Variants in CEP97 observed in about 807,000 individuals in gnomAD.
CEP97 encodes the protein centrosomal protein 97.
CEP97 carries 43 observed loss-of-function variants against 73.1 expected under a neutral mutation model. The ratio of observed to expected loss-of-function variants is 0.59; its 90% CI spans 0.46 to 0.76. The LOEUF is 0.76. Ranked by LOEUF, CEP97 falls within the 30% of genes least tolerant of loss-of-function variation. The pLI is 0.00. For missense variants in CEP97, 939 were observed against 1,014.0 expected (o/e 0.93, Z 1.00); for synonymous variants, 337 against 370.0 (o/e 0.91, Z 1.02).
At chr3:101,753,926 G>A (rs920641781) in intron 6 of CEP97, among the ~76,000 whole-genome samples, 33 of 152,010 alleles carry the variant, frequency 2.2e-4, no homozygotes, top group African/African-American at 7.2e-4. Context: ...TCTGCCCACC[G>A]TCTGGCACTC....
intron 1 of CEP97, 67 bp from the exon 2 acceptor site, chr3:101,726,527 C>G: frequency 1.7e-6 from 2 of 1,179,908 alleles, no homozygotes; most frequent in South Asian, 1.6e-5. Context: ...TAATTCCAGC[C>G]CTATGCTTAG....
chr3:101,736,301 G>C (rs551270222), intron 6 of CEP97, among the ~76,000 whole-genome samples: 12 of 152,178 alleles, frequency 7.9e-5, no homozygotes, highest in African/African-American at 2.7e-4. Context: ...CCTGCCTCCC[G>C]GCTCTGTAAG....
intron 10 of CEP97, 148 bp downstream of exon 10, chr3:101,762,708 A>G: frequency 1.8e-6 from 1 of 541,556 alleles, no homozygotes. Context: ...ACTGTGAACT[A>G]GGACAGTGAA....
intron 6 of CEP97, among the ~76,000 whole-genome samples, chr3:101,749,032 T>C (rs576699028): frequency 6.6e-6 from 1 of 152,272 alleles, no homozygotes; most frequent in African/African-American, 2.4e-5. Context: ...TTAGGGTACA[T>C]GTGCACAACG....
At chr3:101,737,095 A>G (rs535756495) in intron 6 of CEP97, among the ~76,000 whole-genome samples, 3 of 152,362 alleles carry the variant, frequency 2.0e-5, no homozygotes, top group African/African-American at 7.2e-5. Context: ...GATATCAGAG[A>G]TTGAAGATCA....
chr3:101,741,278 A>T (rs973388427), intron 6 of CEP97, among the ~76,000 whole-genome samples: 1 of 152,258 alleles, frequency 6.6e-6, no homozygotes, highest in African/African-American at 2.4e-5. Flanking sequence ...AAGATGGATT[A>T]AAGACTTAAA....
At position 101,731,130 on chromosome 3, in the gene CEP97, A is replaced by G. The variant is rs943957286; in HGVS notation, c.448-710A>G. On this transcript the variant is annotated intron_variant, in intron 4 of 10. Coordinates refer to ENST00000341893, the MANE Select transcript of CEP97 (RefSeq NM_024548.4). Reference sequence around the variant, plus strand: ...TTACCTAGAGAATACAGTTGCAATTATGGATGTAGGTTATCACTCTCTTTT... The same window carrying G: ...TTACCTAGAGAATACAGTTGCAATTGTGGATGTAGGTTATCACTCTCTTTT... Among the ~76,000 whole-genome samples the G allele has an allele frequency of 4.7e-5, 7 of 149,140 alleles. No individual in the cohort carries two copies. The East Asian group carries it at 1.4e-3, about 29-fold the overall frequency.
At chr3:101,740,242 A>G (rs1938407292) in intron 6 of CEP97, among the ~76,000 whole-genome samples, 1 of 152,198 alleles carries the variant, frequency 6.6e-6, no homozygotes, top group South Asian at 2.1e-4. Flanking sequence ...TTCCAGCCCA[A>G]AATCTCCTTA....
chr3:101,755,738 C>T, intron 7 of CEP97, 144 bp downstream of exon 7: 3 of 764,914 alleles, frequency 3.9e-6, no homozygotes, highest in South Asian at 1.7e-5. Context: ...ACAGTTCCTG[C>T]AGGGAAGCTG....
At position 101,766,385 on chromosome 3, in the gene CEP97, G is replaced by A. The variant is rs909358798; in HGVS notation, c.*834G>A. ...GTAAGCATTTTTGTGCCAACATGTTGTCAGAAATTAATGTATGTTCATCTC... is the reference window on the plus strand; with the variant it reads ...GTAAGCATTTTTGTGCCAACATGTTATCAGAAATTAATGTATGTTCATCTC... On this transcript the variant is annotated 3_prime_UTR_variant, in exon 11 of 11. Transcript: ENST00000341893. The A allele has an allele frequency of 2.0e-5, 3 of 152,518 alleles. No homozygotes were observed. The highest frequency in any genetic ancestry group is 7.2e-5 in the African/African-American group (3 of 41,412). The allele number at this position is 152,518 out of a possible 1,614,324, so 9.4% of individuals were successfully genotyped here. A position where few individuals can be genotyped will look rare whatever the true frequency, so the allele number is the denominator to read the frequency against.
chr3:101,730,855 C>T, intron 4 of CEP97, among the ~76,000 whole-genome samples: 1 of 152,150 alleles, frequency 6.6e-6, no homozygotes, highest in Middle Eastern at 3.4e-3. Context: ...AGATCTTTAG[C>T]AGAAATCATT....
intron 6 of CEP97, among the ~76,000 whole-genome samples, chr3:101,739,675 A>G (rs1472029229): frequency 6.6e-6 from 1 of 152,162 alleles, no homozygotes; most frequent in Non-Finnish European, 1.5e-5. Context: ...TGGGAGGCCG[A>G]GGTGGGTGGA....
At chr3:101,732,348 G>A in intron 5 of CEP97, 140 bp from the exon 6 acceptor site, 1 of 624,804 alleles carries the variant, frequency 1.6e-6, no homozygotes, top group South Asian at 2.1e-5. Context: ...AACTTTGGAA[G>A]TCAATGGACA....
intron 7 of CEP97, among the ~76,000 whole-genome samples, chr3:101,756,734 T>C (rs958164962): frequency 6.6e-6 from 1 of 152,126 alleles, no homozygotes; most frequent in Non-Finnish European, 1.5e-5. Flanking sequence ...AAGAGGTATA[T>C]CTGCCTTCAA....
At chr3:101,752,318 G>A (rs1938855135) in intron 6 of CEP97, among the ~76,000 whole-genome samples, 1 of 152,080 alleles carries the variant, frequency 6.6e-6, no homozygotes, top group Admixed American at 6.6e-5. Flanking sequence ...CTCTCTGGCT[G>A]CCCTTAACAT....
chr3:101,735,281 A>G (rs764963867), intron 6 of CEP97, among the ~76,000 whole-genome samples: 2 of 152,366 alleles, frequency 1.3e-5, no homozygotes, highest in African/African-American at 4.8e-5. Flanking sequence ...AGCTTTCTCC[A>G]TAATGCTTTG....
chr3:101,755,998 G>A (rs1268121300), intron 7 of CEP97, among the ~76,000 whole-genome samples: 1 of 151,898 alleles, frequency 6.6e-6, no homozygotes, highest in African/African-American at 2.4e-5. Context: ...CTCCTAAAGT[G>A]CTAGGATAAT....
At chr3:101,752,672 C>T (rs967634697) in intron 6 of CEP97, among the ~76,000 whole-genome samples, 1 of 152,200 alleles carries the variant, frequency 6.6e-6, no homozygotes, top group African/African-American at 2.4e-5. Context: ...ACCCTTTCTT[C>T]CAGTTGATCG....
chr3:101,748,395 T>G (rs9845802), intron 6 of CEP97, among the ~76,000 whole-genome samples: 46,181 of 151,954 alleles, frequency 0.3, 7,499 homozygotes, highest in Middle Eastern at 0.44. Context: ...TATTCAAACT[T>G]GAGCCCTTTC....
Sources: allele counts gnomAD v4.1 joint callset (sites outside exome capture counted in the v4.1 genomes callset), GRCh38; gene constraint gnomAD v4.1.1; transcripts MANE v1.5; gene names NCBI Gene and HGNC (gene_info 2026-07-23, HGNC 2026-07-21).